Variants in KHDRBS2 observed in about 807,000 individuals in gnomAD.
KHDRBS2 encodes the protein KH RNA binding domain containing, signal transduction associated 2.
A neutral mutation model predicts 44.3 loss-of-function variants in KHDRBS2; 26 were observed. That is an observed-to-expected ratio of 0.59 (90% CI 0.43 to 0.81). KHDRBS2 has a LOEUF of 0.81. Ranked by LOEUF, KHDRBS2 falls within the 40% of genes least tolerant of loss-of-function variation. The pLI, the probability that KHDRBS2 is intolerant of heterozygous loss-of-function variation, is 0.00. For missense variants in KHDRBS2, 476 were observed against 433.1 expected (o/e 1.10, Z -0.88); for synonymous variants, 194 against 151.1 (o/e 1.28, Z -2.08).
intron 2 of KHDRBS2, among the ~76,000 whole-genome samples, chr6:62,162,413 T>C (rs1261620179): frequency 1.3e-5 from 2 of 152,102 alleles, no homozygotes; most frequent in African/African-American, 4.8e-5. Flanking sequence ...CACTGCCTTC[T>C]GGTCTCTATA....
intron 1 of KHDRBS2, among the ~76,000 whole-genome samples, chr6:62,192,079 T>G (rs757566235): frequency 2.0e-5 from 3 of 152,016 alleles, no homozygotes; most frequent in Non-Finnish European, 4.4e-5. Context: ...TGCAATGCAT[T>G]ATAACTTTTT....
chr6:62,018,295 ATATATGTGTGTGTGTG>A (rs1227937594), intron 3 of KHDRBS2, among the ~76,000 whole-genome samples: 1 of 142,562 alleles, frequency 7.0e-6, no homozygotes, highest in East Asian at 2.0e-4. Flanking sequence ...CACTATATAT[ATATATGTGTGTGTGTG>A]TGTGTGTGTG....
the KHDRBS2 span, among the ~76,000 whole-genome samples, chr6:61,597,052 A>G: frequency 3.9e-5 from 6 of 152,198 alleles, no homozygotes; most frequent in African/African-American, 1.4e-4. Context: ...TTGCCAAGAC[A>G]AAGAACGGCA....
At chr6:61,865,815 T>C (rs1315745739) in intron 6 of KHDRBS2, among the ~76,000 whole-genome samples, 1 of 152,214 alleles carries the variant, frequency 6.6e-6, no homozygotes, top group Non-Finnish European at 1.5e-5. Context: ...ACAGGCCCCA[T>C]GCAAGTCCAA....
At chr6:62,009,492 T>A (rs1435923383) in intron 3 of KHDRBS2, among the ~76,000 whole-genome samples, 2 of 152,126 alleles carry the variant, frequency 1.3e-5, no homozygotes, top group Non-Finnish European at 2.9e-5. Context: ...AGAAATTGCA[T>A]AAGTAATGAG....
chr6:62,258,471 G>C (rs562370777), intron 1 of KHDRBS2, among the ~76,000 whole-genome samples: 13 of 152,116 alleles, frequency 8.5e-5, no homozygotes, highest in African/African-American at 3.1e-4. Flanking sequence ...AAATGGCTGA[G>C]GATCACGGGC....
At chr6:61,621,873 C>G in the KHDRBS2 span, among the ~76,000 whole-genome samples, 1 of 152,136 alleles carries the variant, frequency 6.6e-6, no homozygotes, top group African/African-American at 2.4e-5. Context: ...AATGAACTGA[C>G]CACAGAGGGG....
chr6:62,065,139 G>A (rs1183979308), intron 2 of KHDRBS2, among the ~76,000 whole-genome samples: 1 of 150,874 alleles, frequency 6.6e-6, no homozygotes, highest in Non-Finnish European at 1.5e-5. Context: ...AACAACAGGT[G>A]CTGGAGAGGA....
intron 7 of KHDRBS2, among the ~76,000 whole-genome samples, chr6:61,730,514 A>G (rs980934350): frequency 6.6e-6 from 1 of 152,148 alleles, no homozygotes; most frequent in Non-Finnish European, 1.5e-5. Flanking sequence ...ATGATAGGGG[A>G]CATGTACACA....
At chr6:61,921,618 T>C (rs571342551) in intron 4 of KHDRBS2, among the ~76,000 whole-genome samples, 66 of 152,160 alleles carry the variant, frequency 4.3e-4, no homozygotes, top group African/African-American at 1.6e-3. Flanking sequence ...ACTCTTTTAC[T>C]GAACAATACA....
chr6:61,799,972 T>G (rs1786003740), intron 6 of KHDRBS2, among the ~76,000 whole-genome samples: 1 of 152,138 alleles, frequency 6.6e-6, no homozygotes, highest in African/African-American at 2.4e-5. Flanking sequence ...AGTATTCATA[T>G]ATACACATTA....
chr6:61,605,063 G>A, the KHDRBS2 span, among the ~76,000 whole-genome samples: 1 of 152,090 alleles, frequency 6.6e-6, no homozygotes, highest in African/African-American at 2.4e-5. Context: ...ACCAAGCTCA[G>A]CCACCAACTT....
chr6:62,034,399 A>G (rs976002944), intron 3 of KHDRBS2, among the ~76,000 whole-genome samples: 2 of 152,072 alleles, frequency 1.3e-5, no homozygotes. Context: ...ATCTCTGATG[A>G]ATATTGACAC....
At chr6:61,590,367 G>A in the KHDRBS2 span, among the ~76,000 whole-genome samples, 14 of 152,154 alleles carry the variant, frequency 9.2e-5, no homozygotes, top group South Asian at 6.2e-4. Flanking sequence ...ACAGCTCTGC[G>A]GTCTCCCAAG....
At chr6:61,647,127 A>G in the KHDRBS2 span, among the ~76,000 whole-genome samples, 337 of 152,252 alleles carry the variant, frequency 2.2e-3, 13 homozygotes, top group South Asian at 0.067. Context: ...CCCATATGGT[A>G]AAAATTTAAA....
At chr6:61,695,792 G>A (rs909924680) in intron 8 of KHDRBS2, among the ~76,000 whole-genome samples, 3 of 152,062 alleles carry the variant, frequency 2.0e-5, no homozygotes, top group African/African-American at 7.2e-5. Context: ...GCTTGGCCTT[G>A]TGTTAGTCAG....
At chr6:61,725,074 G>T (rs1402224614) in intron 7 of KHDRBS2, among the ~76,000 whole-genome samples, 4 of 152,094 alleles carry the variant, frequency 2.6e-5, no homozygotes, top group South Asian at 2.1e-4. Context: ...ACATTCCTCA[G>T]CAAATGCAAA....
the KHDRBS2 span, among the ~76,000 whole-genome samples, chr6:61,604,623 C>G: frequency 6.6e-6 from 1 of 152,196 alleles, no homozygotes; most frequent in Non-Finnish European, 1.5e-5. Flanking sequence ...AAGGAAATCA[C>G]TTCTCAGTGT....
intron 2 of KHDRBS2, among the ~76,000 whole-genome samples, chr6:62,076,644 G>A (rs956112648): frequency 6.6e-6 from 1 of 151,976 alleles, no homozygotes; most frequent in African/African-American, 2.4e-5. Flanking sequence ...CAAATAATAG[G>A]GACTTTAAAA....
Sources: gnomAD v4.1 joint callset for allele counts (sites outside exome capture counted in the v4.1 genomes callset) on GRCh38, gnomAD v4.1.1 for gene constraint, MANE v1.5 for transcripts, NCBI Gene and HGNC (gene_info 2026-07-23, HGNC 2026-07-21) for gene names.